VAV3: variants seen among roughly 807,000 people sequenced by gnomAD.
VAV3 encodes the protein vav guanine nucleotide exchange factor 3.
Under a neutral mutation model 131.2 loss-of-function variants are expected in VAV3, and 94 were observed. The observed-to-expected ratio is 0.72, with a 90% CI of 0.61 to 0.85. VAV3 has a LOEUF of 0.85. Ranked by LOEUF, VAV3 falls within the 40% of genes least tolerant of loss-of-function variation. VAV3 has a pLI of 0.00. For missense variants in VAV3, 939 were observed against 1,002.7 expected, an observed-to-expected ratio of 0.94 and a Z score of 0.86; for synonymous variants, 349 against 342.0, an observed-to-expected ratio of 1.02 and a Z score of -0.22.
intron 1 of VAV3, among the ~76,000 whole-genome samples, chr1:107,892,821 C>T (rs1408713596): frequency 6.6e-6 from 1 of 152,166 alleles, no homozygotes; most frequent in Non-Finnish European, 1.5e-5. Flanking sequence ...ACAAAGATAA[C>T]CTTTTTCTTG....
Position 107,877,956 on chromosome 1 carries a change from G to C in VAV3, c.205-2939C>G, listed in dbSNP as rs143006923. Among the ~76,000 whole-genome samples the C allele has an allele frequency of 2.1e-3, 314 of 152,308 alleles. 2 individuals carry two copies. Among genetic ancestry groups the C allele is most frequent in the East Asian group, 0.012 (63 of 5,180 alleles). ...GGAACAGAGCTGAGGAATAGAGGAAGTGAGGCTGCCAGCCTGCCAGCAGTC... is the reference window on the plus strand; with the variant it reads ...GGAACAGAGCTGAGGAATAGAGGAACTGAGGCTGCCAGCCTGCCAGCAGTC... On this transcript the variant is annotated intron_variant, in intron 1 of 26. Transcript: ENST00000370056.
At chr1:107,761,352 C>G (rs1395943962) in intron 9 of VAV3, among the ~76,000 whole-genome samples, 2 of 142,814 alleles carry the variant, frequency 1.4e-5, no homozygotes, top group Non-Finnish European at 3.0e-5. Flanking sequence ...GAGATGGTGT[C>G]ACTGCACTCC....
At chr1:107,749,122 CAT>C (rs769417359) in intron 14 of VAV3, 45 bp from the exon 15 acceptor site, 25 of 1,333,720 alleles carry the variant, frequency 1.9e-5, no homozygotes, top group African/African-American at 3.0e-5. Flanking sequence ...TCATTAATAA[CAT>C]GTTTCTAAAT....
chr1:107,690,099 G>T (rs1226373287), intron 17 of VAV3, among the ~76,000 whole-genome samples: 2 of 152,138 alleles, frequency 1.3e-5, no homozygotes, highest in Non-Finnish European at 2.9e-5. Flanking sequence ...GCTCTTTTGG[G>T]TTCAGTGTTC....
chr1:107,757,493 A>G (rs1012632252), intron 10 of VAV3, among the ~76,000 whole-genome samples, 164 bp from the exon 11 acceptor site: 2 of 152,190 alleles, frequency 1.3e-5, no homozygotes, highest in Admixed American at 1.3e-4. Context: ...AAACTGTAAG[A>G]AGACCAACTA....
intron 17 of VAV3, 102 bp downstream of exon 17, chr1:107,704,448 T>C: frequency 1.3e-6 from 1 of 795,634 alleles, no homozygotes; most frequent in East Asian, 2.7e-5. Flanking sequence ...AAAGCAGATA[T>C]GTTACAATAA....
At chr1:107,591,421 A>G (rs2101051012) in intron 25 of VAV3, among the ~76,000 whole-genome samples, 1 of 150,754 alleles carries the variant, frequency 6.6e-6, no homozygotes, top group East Asian at 2.0e-4. Flanking sequence ...GGATGAATGA[A>G]TGAATGAATG....
intron 2 of VAV3, among the ~76,000 whole-genome samples, chr1:107,810,822 A>G (rs975499257): frequency 1.3e-5 from 2 of 152,202 alleles, no homozygotes; most frequent in Admixed American, 6.5e-5. Flanking sequence ...AAATGGGTGA[A>G]AAACAGAAAC....
chr1:107,907,853 C>G (rs986674947), intron 1 of VAV3, among the ~76,000 whole-genome samples: 5 of 152,084 alleles, frequency 3.3e-5, no homozygotes, highest in Non-Finnish European at 5.9e-5. Context: ...ATTACCCAGT[C>G]TATGTATTCT....
chr1:107,757,740 G>A (rs2102111595), intron 10 of VAV3, among the ~76,000 whole-genome samples: 1 of 152,248 alleles, frequency 6.6e-6, no homozygotes, highest in Non-Finnish European at 1.5e-5. Context: ...TGTTATTGCT[G>A]TTAAAATTGT....
chr1:107,827,303 C>T lies in VAV3; in HGVS notation c.321+47598G>A, dbSNP rs113450938. ...CCTTCTCTCAAATCCCTCTTCCTTC[C>T]TTATTCTCCAGGTGTGAGTTTAAAG... is the stretch of plus-strand genomic sequence containing the variant. On this transcript the variant is annotated intron_variant, in intron 2 of 26. Coordinates refer to ENST00000370056, the MANE Select transcript of VAV3 (RefSeq NM_006113.5). Among the ~76,000 whole-genome samples the T allele has an allele frequency of 2.0e-3, 298 of 152,214 alleles. 3 individuals are homozygous for T. The highest frequency in any genetic ancestry group is 6.9e-3 in the African/African-American group (286 of 41,552).
rs1270697072 is a variant in VAV3, at chr1:107,683,496, A to G, written c.1769T>C (p.Val590Ala). ...TTTAATCAGAAACACACCTGGATCCACCTGTTTAGGAGTTCTTCGCAGTCC... is the reference window on the plus strand; with the variant it reads ...TTTAATCAGAAACACACCTGGATCCGCCTGTTTAGGAGTTCTTCGCAGTCC... ...TNGLRRTPKQVDPGLPKMQVI... is the reference protein window; with the variant it reads ...TNGLRRTPKQADPGLPKMQVI... The change falls in exon 19 of 27, where the codon GTG becomes GCG. Residue 590 changes from valine (V) to alanine (A), a missense_variant. By Grantham distance (64) the Val-to-Ala change is moderately conservative. Coordinates refer to ENST00000370056, the MANE Select transcript of VAV3 (RefSeq NM_006113.5). 1 of 1,613,912 alleles carries G rather than the reference A, an allele frequency of 6.2e-7. No individual in the cohort carries two copies. The highest frequency in any genetic ancestry group is 1.1e-5 in the South Asian group (1 of 91,068).
chr1:107,880,326 G>A (rs536389116), intron 1 of VAV3, among the ~76,000 whole-genome samples: 6 of 152,234 alleles, frequency 3.9e-5, no homozygotes, highest in Non-Finnish European at 7.4e-5. Flanking sequence ...CCAGTCAAAC[G>A]GCAAAGAATG....
intron 2 of VAV3, among the ~76,000 whole-genome samples, chr1:107,809,033 C>T (rs1324615109): frequency 6.6e-6 from 1 of 152,106 alleles, no homozygotes; most frequent in Non-Finnish European, 1.5e-5. Flanking sequence ...CAAGGCTGAG[C>T]GCAACCTGCC....
rs77813752 is a variant in VAV3 at position 107,697,819 on chromosome 1, C to A, written c.1705+6731G>T. 2.4e-3 allele frequency among the ~76,000 whole-genome samples: 362 copies of A among 152,232 alleles called. 6 individuals carry two copies. The highest frequency in any genetic ancestry group is 0.012 in the East Asian group (60 of 5,176). ...ACTACAGAACATTCAAACCTAAAAA[C>A]ACTGGGTAGTTACTAATTTAATTAA... On this transcript the variant is annotated intron_variant, in intron 17 of 26. Transcript: ENST00000370056.
chr1:107,909,400 A>G (rs1315679349), intron 1 of VAV3, among the ~76,000 whole-genome samples: 1 of 152,212 alleles, frequency 6.6e-6, no homozygotes, highest in Non-Finnish European at 1.5e-5. Context: ...TAACTGCACT[A>G]AAGGATTTTA....
chr1:107,686,755 T>C (rs1659056139), intron 18 of VAV3, among the ~76,000 whole-genome samples: 1 of 152,198 alleles, frequency 6.6e-6, no homozygotes. Context: ...TGAAAATTAA[T>C]TCCTTGTATC....
chr1:107,641,874 T>C (rs975305143), intron 20 of VAV3, among the ~76,000 whole-genome samples: 25 of 152,274 alleles, frequency 1.6e-4, no homozygotes, highest in African/African-American at 5.5e-4. Context: ...ACAGCACTGA[T>C]AGTATTTTTC....
intron 18 of VAV3, 35 bp from the exon 19 acceptor site, chr1:107,683,568 T>C (rs762148863): frequency 5.0e-6 from 8 of 1,610,764 alleles, no homozygotes; most frequent in African/African-American, 1.3e-5. Flanking sequence ...AAAACAAATA[T>C]GTGTTGGTAA....
Sources: gnomAD v4.1 joint callset for allele counts (sites outside exome capture counted in the v4.1 genomes callset) on GRCh38, gnomAD v4.1.1 for gene constraint, MANE v1.5 for transcripts, NCBI Gene and HGNC (gene_info 2026-07-23, HGNC 2026-07-21) for gene names.